The following OGFRL1 variants were observed in gnomAD, a reference collection of about 807,000 sequenced individuals.
OGFRL1 encodes opioid growth factor receptor like 1.
OGFRL1 carries 26 observed loss-of-function variants against 32.4 expected under a neutral mutation model. The observed-to-expected ratio is 0.80, with a 90% confidence interval of 0.59 to 1.11. The LOEUF (loss-of-function observed/expected upper bound fraction) is 1.11, where lower values mean the gene tolerates loss of function less well. OGFRL1 is among the 50% of genes most tolerant of loss of function. The pLI is 0.00. For synonymous variants in OGFRL1, 211 were observed against 201.2 expected (o/e 1.05, Z -0.41); for missense variants, 521 against 546.4 (o/e 0.95, Z 0.46).
chr6:71,302,893 TC>T lies in OGFRL1; in HGVS notation c.*846del, dbSNP rs1766442920. ...TAGATTCTGATAAGTGAAATGGATG[TC>T]CTTGTGGAGCTCTGGCCTCCCCAGC... On this transcript the variant is annotated 3_prime_UTR_variant, in exon 7 of 7. Transcript: ENST00000370435. 1 of 152,228 alleles carries T rather than the reference TC, an allele frequency of 6.6e-6. No homozygotes were observed. Among genetic ancestry groups the T allele is most frequent in the South Asian group, 2.1e-4 (1 of 4,828 alleles). 9.4% of individuals were successfully genotyped at this position (152,228 alleles called of 1,614,324 possible).
chr6:71,301,573 A>T lies in OGFRL1; in HGVS notation c.880A>T (p.Arg294Ter). The change falls in exon 7 of 7, where the codon AGA becomes TGA. Residue 294 changes from arginine to a stop codon, truncating the protein, a stop_gained. Transcript: ENST00000370435. LOFTEE classifies it low-confidence loss of function (END_TRUNC). ...TACAATTAGAGACAGAAGAGAAAGG[A>T]GAAAGCTCCTGCGGTTCGCCCAGAA... Reference protein sequence around the residue: ...VYTIRDRRERRKLLRFAQKHY... With the variant: ...VYTIRDRRER 6.2e-7 allele frequency: 1 copy of T among 1,614,202 alleles called. No individual in the cohort carries two copies. The highest frequency in any genetic ancestry group is 8.5e-7 in the Non-Finnish European group (1 of 1,180,036).
chr6:71,289,414 C>A, intron 1 of OGFRL1: 1 of 985,124 alleles, frequency 1.0e-6, no homozygotes, highest in Non-Finnish European at 1.2e-6. Context: ...GCGAGGAAGT[C>A]CCTCAAGGCA....
chr6:71,302,214 T>C lies in OGFRL1; in HGVS notation c.*165T>C, dbSNP rs752506008. The C allele has an allele frequency of 1.2e-5, 6 of 516,080 alleles. No homozygotes were observed. The highest frequency in any genetic ancestry group is 1.9e-5 in the Non-Finnish European group (6 of 308,884). The allele number at this position is 516,080 out of a possible 1,614,324, so 32.0% of individuals were successfully genotyped here. A position where few individuals can be genotyped will look rare whatever the true frequency, so the allele number is the denominator to read the frequency against. ...TTTTTTTATTTTGGATGACAATGAA[T>C]TGAATATCTAATAAGGAGATTTAAG... On this transcript the variant is annotated 3_prime_UTR_variant, in exon 7 of 7. Coordinates refer to ENST00000370435, the MANE Select transcript of OGFRL1 (RefSeq NM_024576.5).
chr6:71,291,915 G>C (rs185846698), intron 1 of OGFRL1: 1 of 152,212 alleles, frequency 6.6e-6, no homozygotes, highest in South Asian at 2.1e-4. Context: ...CCCAGAGCCT[G>C]GGATTCTTGT....
At chr6:71,289,346 C>T (rs1765966636) in intron 1 of OGFRL1, 176 bp downstream of exon 1, 3 of 984,242 alleles carry the variant, frequency 3.0e-6, no homozygotes, top group African/African-American at 1.8e-5. Context: ...CGGGGGCCTG[C>T]AGGAGCCCAA....
chr6:71,289,845 G>C, intron 1 of OGFRL1: 1 of 978,072 alleles, frequency 1.0e-6, no homozygotes, highest in Non-Finnish European at 1.2e-6. Context: ...AACCTCTGAT[G>C]GACTGAAAAT....
chr6:71,302,812 T>C lies in OGFRL1; in HGVS notation c.*763T>C, dbSNP rs574845718. On this transcript the variant is annotated 3_prime_UTR_variant, in exon 7 of 7. Coordinates refer to ENST00000370435, the MANE Select transcript of OGFRL1 (RefSeq NM_024576.5). The stretch of plus-strand genomic sequence containing the variant: ...ACTGTAAGAGTTTGATCTTTTCAAA[T>C]GTGTTCAGAAACTAATTTGGATTCT... The C allele has an allele frequency of 6.6e-6, 1 of 152,268 alleles. No individual in the cohort carries two copies. The highest frequency in any genetic ancestry group is 2.1e-4 in the South Asian group (1 of 4,828). The allele number at this position is 152,268 out of a possible 1,614,324, so 9.4% of individuals were successfully genotyped here. A position where few individuals can be genotyped will look rare whatever the true frequency, so the allele number is the denominator to read the frequency against.
Position 71,288,868 on chromosome 6 carries a change from G to T in OGFRL1, c.-69G>T. 9.0e-7 allele frequency: 1 copy of T among 1,111,212 alleles called. No homozygotes were observed. Among genetic ancestry groups the T allele is most frequent in the Non-Finnish European group, 1.1e-6 (1 of 904,638 alleles). The allele number at this position is 1,111,212 out of a possible 1,614,324, so 68.8% of individuals were successfully genotyped here. ...AGCGCCCTCGCCGCGGCCATGCCCG[G>T]GCCCTAGAGCGCCTGCCGCAGCTTG... On this transcript the variant is annotated 5_prime_UTR_variant, in exon 1 of 7. Coordinates refer to ENST00000370435, the MANE Select transcript of OGFRL1 (RefSeq NM_024576.5).
intron 5 of OGFRL1, 25 bp downstream of exon 5, chr6:71,296,586 T>C (rs753518893): frequency 1.9e-6 from 3 of 1,609,116 alleles, no homozygotes; most frequent in East Asian, 4.5e-5. Flanking sequence ...TTTCATTTTA[T>C]ACAGGGTGGC....
Position 71,302,538 on chromosome 6 carries a change from C to T in OGFRL1, c.*489C>T, listed in dbSNP as rs1292656566. 1.3e-5 allele frequency: 2 copies of T among 152,396 alleles called. No individual in the cohort carries two copies. Among genetic ancestry groups the T allele is most frequent in the African/African-American group, 4.8e-5 (2 of 41,430 alleles). The allele number at this position is 152,396 out of a possible 1,614,324, so 9.4% of individuals were successfully genotyped here. A position where few individuals can be genotyped will look rare whatever the true frequency, so the allele number is the denominator to read the frequency against. ...CCAGGCTGGAGTGCAGTGGCATGAT[C>T]TCGGCTCACTGCAACCTCTGCCTCC... On this transcript the variant is annotated 3_prime_UTR_variant, in exon 7 of 7. Coordinates refer to ENST00000370435, the MANE Select transcript of OGFRL1 (RefSeq NM_024576.5).
rs1737249522 is a variant in OGFRL1 at position 71,308,362 on chromosome 6, T to C, written c.*6313T>C. 1 of 152,204 alleles carries C rather than the reference T, an allele frequency of 6.6e-6. No homozygotes were observed. Among genetic ancestry groups the C allele is most frequent in the Non-Finnish European group, 1.5e-5 (1 of 68,036 alleles). The allele number at this position is 152,204 out of a possible 1,614,324, so 9.4% of individuals were successfully genotyped here. On this transcript the variant is annotated 3_prime_UTR_variant, in exon 7 of 7. Transcript: ENST00000370435. ...TTTCCTCCTGTTTTTAAAAAGGGCTTTAAGTTGTTTCCTATGTAAGGTAAT... is the reference window on the plus strand; with the variant it reads ...TTTCCTCCTGTTTTTAAAAAGGGCTCTAAGTTGTTTCCTATGTAAGGTAAT...
intron 3 of OGFRL1, among the ~76,000 whole-genome samples, chr6:71,294,453 G>A (rs932735801): frequency 3.3e-5 from 5 of 152,196 alleles, no homozygotes; most frequent in Admixed American, 3.3e-4. Flanking sequence ...GAAGGAAGGA[G>A]ATAGACTGCA....
At position 71,307,022 on chromosome 6, in the gene OGFRL1, T is replaced by TTTTTTTCCTA. The variant is rs1225479723; in HGVS notation, c.*4976_*4985dup. 38 of 152,218 alleles carry TTTTTTTCCTA rather than the reference T, an allele frequency of 2.5e-4. No individual in the cohort carries two copies. The highest frequency in any genetic ancestry group is 9.2e-4 in the African/African-American group (38 of 41,464). The allele number at this position is 152,218 out of a possible 1,614,324, so 9.4% of individuals were successfully genotyped here. ...GACTACAGAGAGTGTTCTTTGTCAT[T>TTTTTTTCCTA]TTTTTTCCTATTCTGTTGTGAAGTT... On this transcript the variant is annotated 3_prime_UTR_variant, in exon 7 of 7. Transcript: ENST00000370435.
intron 6 of OGFRL1, among the ~76,000 whole-genome samples, chr6:71,300,046 C>T (rs1225766977): frequency 6.6e-6 from 1 of 152,180 alleles, no homozygotes; most frequent in Admixed American, 6.5e-5. Flanking sequence ...TCATCAACAT[C>T]TTTCTCCCTG....
At position 71,301,635 on chromosome 6, in the gene OGFRL1, G is replaced by T; in HGVS notation, c.942G>T (p.Pro314=). ...CTTCAGAGAACTTTATCTGGGGACC[G>T]CCTCGAAAAGAACAGTCGGAGGGAA... ...YTPSENFIWG[P]PRKEQSEGSK... is the part of the protein sequence containing the mutation. Residue 314 remains proline, a synonymous_variant, in exon 7 of 7, where the codon CCG becomes CCT. Coordinates refer to ENST00000370435, the MANE Select transcript of OGFRL1 (RefSeq NM_024576.5). 2 of 1,614,106 alleles carry T rather than the reference G, an allele frequency of 1.2e-6. No individual in the cohort carries two copies. The highest frequency in any genetic ancestry group is 1.7e-6 in the Non-Finnish European group (2 of 1,180,012).
Position 71,302,855 on chromosome 6 carries a change from A to G in OGFRL1, c.*806A>G, listed in dbSNP as rs887585714. The G allele has an allele frequency of 1.1e-4, 17 of 152,192 alleles. No homozygotes were observed. Among genetic ancestry groups the G allele is most frequent in the African/African-American group, 3.9e-4 (16 of 41,448 alleles). 9.4% of individuals were successfully genotyped at this position (152,192 alleles called of 1,614,324 possible). A position where few individuals can be genotyped will look rare whatever the true frequency, so the allele number is the denominator to read the frequency against. On this transcript the variant is annotated 3_prime_UTR_variant, in exon 7 of 7. Coordinates refer to ENST00000370435, the MANE Select transcript of OGFRL1 (RefSeq NM_024576.5). ...TGGATTCTTTGATTCTAGTATCTCA[A>G]CGTGTTTATTTTTAGATTCTGATAA...
chr6:71,289,075 T>TCCGAGCAGC lies in OGFRL1; in HGVS notation c.143_151dup (p.Glu48_Pro50dup), dbSNP rs1171826979. On this transcript the variant is annotated inframe_insertion, in exon 1 of 7. Coordinates refer to ENST00000370435, the MANE Select transcript of OGFRL1 (RefSeq NM_024576.5). Reference sequence around the variant, plus strand: ...CGGCAGCGAGGGCCCGGGGCAGGAGTCCGAGCAGCCCGCGCAGCCCCCGGA... The same window carrying TCCGAGCAGC: ...CGGCAGCGAGGGCCCGGGGCAGGAGTCCGAGCAGCCCGAGCAGCCCGCGCAGCCCCCGGA... The TCCGAGCAGC allele has an allele frequency of 2.5e-6, 3 of 1,184,364 alleles. No homozygotes were observed. Among genetic ancestry groups the TCCGAGCAGC allele is most frequent in the Admixed American group, 4.0e-5 (1 of 25,114 alleles). 73.4% of individuals were successfully genotyped at this position (1,184,364 alleles called of 1,614,324 possible).
chr6:71,308,759 A>G lies in OGFRL1; in HGVS notation c.*6710A>G, dbSNP rs1236374447. The G allele has an allele frequency of 6.6e-6, 1 of 152,168 alleles. No homozygotes were observed. Among genetic ancestry groups the G allele is most frequent in the Non-Finnish European group, 1.5e-5 (1 of 67,998 alleles). 9.4% of individuals were successfully genotyped at this position (152,168 alleles called of 1,614,324 possible). On this transcript the variant is annotated 3_prime_UTR_variant, in exon 7 of 7. Coordinates refer to ENST00000370435, the MANE Select transcript of OGFRL1 (RefSeq NM_024576.5). ...AATAGTTTTTGTTGCTTACTGCTGT[A>G]TTTTAAAATATTGTTTCTAAAATAA...
At chr6:71,292,065 C>A (rs961101828) in intron 1 of OGFRL1, 1 of 152,144 alleles carries the variant, frequency 6.6e-6, no homozygotes, top group Non-Finnish European at 1.5e-5. Flanking sequence ...TGACTGTCAA[C>A]CCTGTTTGTT....
Sources: allele counts gnomAD v4.1 joint callset (sites outside exome capture counted in the v4.1 genomes callset), GRCh38; gene constraint gnomAD v4.1.1; transcripts MANE v1.5; gene names NCBI Gene and HGNC (gene_info 2026-07-23, HGNC 2026-07-21).